The following AFF2 variants were observed in gnomAD, a reference collection of about 807,000 sequenced individuals.
The protein encoded by AFF2 is AF4/FMR2 family member 2.
A neutral mutation model predicts 76.9 loss-of-function variants in AFF2; 14 were observed. The ratio of observed to expected loss-of-function variants is 0.18; its 90% CI spans 0.12 to 0.28. AFF2 has a LOEUF of 0.28. AFF2 is among the 10% of genes least tolerant of loss of function. The pLI is 1.00. For synonymous variants in AFF2, 398 were observed against 366.7 expected, an observed-to-expected ratio of 1.09 and a Z score of -0.98; for missense variants, 868 against 1,001.1, an observed-to-expected ratio of 0.87 and a Z score of 1.79.
intron 9 of AFF2, among the ~76,000 whole-genome samples, chrX:148,910,920 C>T (rs782414785): frequency 5.4e-5 from 6 of 111,507 alleles, no homozygotes; most frequent in South Asian, 3.9e-4. Flanking sequence ...AAATTGCATG[C>T]GTCAACTCCT....
At chrX:148,916,178 T>C in intron 9 of AFF2, among the ~76,000 whole-genome samples, 1 of 105,264 alleles carries the variant, frequency 9.5e-6, no homozygotes, top group East Asian at 3.0e-4. Context: ...GGTAATAGAC[T>C]TTTGAATGTG....
chrX:148,680,506 C>A (rs1404067691), intron 3 of AFF2, among the ~76,000 whole-genome samples: 1 of 110,534 alleles, frequency 9.0e-6, no homozygotes, highest in African/African-American at 3.3e-5. Flanking sequence ...TAGGAGTAAG[C>A]GTGGTTTCGG....
chrX:148,958,242 A>G, intron 11 of AFF2, 95 bp from the exon 12 acceptor site: 1 of 1,098,758 alleles, frequency 9.1e-7, no homozygotes, highest in Non-Finnish European at 1.2e-6. Flanking sequence ...AAATAAAAGC[A>G]AACTATGTAT....
chrX:148,593,680 A>C (rs782075293), intron 1 of AFF2, among the ~76,000 whole-genome samples: 4 of 112,529 alleles, frequency 3.6e-5, no homozygotes, highest in Non-Finnish European at 5.6e-5. Context: ...CTTCATCTGT[A>C]AAATGAGAAT....
At chrX:148,736,780 T>C (rs2055289947) in intron 3 of AFF2, among the ~76,000 whole-genome samples, 1 of 112,190 alleles carries the variant, frequency 8.9e-6, no homozygotes. Flanking sequence ...CCATCTTGTG[T>C]TGATTTTTGT....
chrX:148,511,182 C>A, intron 1 of AFF2, among the ~76,000 whole-genome samples: 1 of 110,886 alleles, frequency 9.0e-6, no homozygotes, highest in African/African-American at 3.3e-5. Context: ...TTGTGTACAG[C>A]ATTTTCTTGT....
intron 3 of AFF2, among the ~76,000 whole-genome samples, chrX:148,794,525 A>T (rs782209280): frequency 4.3e-4 from 48 of 111,982 alleles, no homozygotes; most frequent in Middle Eastern, 9.2e-3. Flanking sequence ...GAAGTCCTGG[A>T]TGGAGGAAAG....
chrX:148,600,705 C>T (rs1451621248), intron 1 of AFF2, among the ~76,000 whole-genome samples: 8 of 111,800 alleles, frequency 7.2e-5, no homozygotes, highest in African/African-American at 2.6e-4. Context: ...GCAGAACCTA[C>T]TCTTACTTGT....
chrX:148,840,085 G>C (rs1210488991), intron 5 of AFF2, among the ~76,000 whole-genome samples: 1 of 110,921 alleles, frequency 9.0e-6, no homozygotes, highest in Non-Finnish European at 1.9e-5. Flanking sequence ...TTTTCTCATA[G>C]ACGATGAAAA....
chrX:148,643,988 G>A (rs1386584823), intron 1 of AFF2, among the ~76,000 whole-genome samples: 1 of 111,591 alleles, frequency 9.0e-6, no homozygotes, highest in Non-Finnish European at 1.9e-5. Context: ...GCTTGCTAGA[G>A]TCATGGTCAT....
chrX:148,761,337 G>A (rs1225254070), intron 3 of AFF2, among the ~76,000 whole-genome samples: 1 of 110,957 alleles, frequency 9.0e-6, no homozygotes, highest in Non-Finnish European at 1.9e-5. Flanking sequence ...AGATAGAATA[G>A]TTGGGGGGAA....
rs146550396 is a variant in AFF2 at position 148,799,691 on chromosome X, T to C, written c.1042-10185T>C. 6.2e-3 allele frequency among the ~76,000 whole-genome samples: 701 copies of C among 112,272 alleles called. 6 individuals carry two copies. Among genetic ancestry groups the C allele is most frequent in the African/African-American group, 0.022 (678 of 30,974 alleles). ...GTGTCATTTAGAGCCAGAAAATTAT[T>C]GGCTTATTTGTTATTGGATAAAAGG... On this transcript the variant is annotated intron_variant, in intron 3 of 20. Coordinates refer to ENST00000370460, the MANE Select transcript of AFF2 (RefSeq NM_002025.4).
intron 9 of AFF2, among the ~76,000 whole-genome samples, chrX:148,952,667 A>C: frequency 1.8e-5 from 2 of 112,251 alleles, no homozygotes; most frequent in Middle Eastern, 4.6e-3. Context: ...CGCAGAGAGC[A>C]AACGATCGGT....
intron 7 of AFF2, among the ~76,000 whole-genome samples, chrX:148,854,909 G>A (rs945075171): frequency 1.7e-4 from 19 of 109,624 alleles, no homozygotes; most frequent in African/African-American, 3.7e-4. Flanking sequence ...TATTTTTTTC[G>A]ACATTCTTAT....
chrX:148,942,254 A>G (rs1343516720), intron 9 of AFF2, among the ~76,000 whole-genome samples: 2 of 109,090 alleles, frequency 1.8e-5, no homozygotes, highest in Non-Finnish European at 3.8e-5. Flanking sequence ...AAGCAAAGGC[A>G]TGGAGGCAAT....
chrX:148,528,482 G>A (rs536548492), intron 1 of AFF2, among the ~76,000 whole-genome samples: 11 of 111,065 alleles, frequency 9.9e-5, no homozygotes, highest in African/African-American at 3.6e-4. Flanking sequence ...TTCTCATGGC[G>A]TTCCTGGTGT....
At chrX:148,919,237 G>C (rs1039806017) in intron 9 of AFF2, among the ~76,000 whole-genome samples, 5 of 111,219 alleles carry the variant, frequency 4.5e-5, no homozygotes, top group African/African-American at 1.6e-4. Flanking sequence ...TAATACTTGG[G>C]TTTTCAGCAA....
intron 3 of AFF2, among the ~76,000 whole-genome samples, chrX:148,778,462 G>T (rs2069697192): frequency 9.0e-6 from 1 of 111,005 alleles, no homozygotes; most frequent in Non-Finnish European, 1.9e-5. Flanking sequence ...GTGGAATTGG[G>T]CTGTGAATCT....
chrX:148,542,120 T>C (rs782564353), intron 1 of AFF2, among the ~76,000 whole-genome samples: 89 of 110,099 alleles, frequency 8.1e-4, no homozygotes, highest in Non-Finnish European at 1.2e-3. Flanking sequence ...TTTATTTAGC[T>C]AATCAGGGAT....
Sources: allele counts gnomAD v4.1 joint callset (sites outside exome capture counted in the v4.1 genomes callset), GRCh38; gene constraint gnomAD v4.1.1; transcripts MANE v1.5; gene names NCBI Gene and HGNC (gene_info 2026-07-23, HGNC 2026-07-21).